The following PRPF4 variants were observed in gnomAD, a reference collection of about 807,000 sequenced individuals.
PRPF4 encodes pre-mRNA splicing tri-snRNP complex factor PRPF4.
A neutral mutation model predicts 72.2 loss-of-function variants in PRPF4; 14 were observed. The ratio of observed to expected loss-of-function variants is 0.19; its 90% CI spans 0.13 to 0.30. The LOEUF is 0.30. Among genes scored for constraint, PRPF4 ranks in the 10% least tolerant of loss-of-function variants. The pLI is 1.00. For missense variants in PRPF4, 478 were observed against 653.9 expected, an observed-to-expected ratio of 0.73 and a Z score of 2.93; for synonymous variants, 225 against 232.2, an observed-to-expected ratio of 0.97 and a Z score of 0.28.
At position 113,275,691 on chromosome 9, in the gene PRPF4, T is replaced by C; in HGVS notation, c.-53T>C. ...CCTCTGCTGGGCGCGCGGTGGACGG[T>C]CTGAAAGGGAGTGTTCGGGTTTCGC... is the stretch of plus-strand genomic sequence containing the variant. On this transcript the variant is annotated 5_prime_UTR_variant, in exon 1 of 14. Coordinates refer to ENST00000374198, the MANE Select transcript of PRPF4 (RefSeq NM_001244926.2). The C allele has an allele frequency of 2.5e-6, 4 of 1,594,236 alleles. No individual in the cohort carries two copies. The highest frequency in any genetic ancestry group is 3.4e-4 in the Middle Eastern group (2 of 5,954).
chr9:113,291,444 A>G, intron 13 of PRPF4, 23 bp from the exon 14 acceptor site: 1 of 1,586,872 alleles, frequency 6.3e-7, no homozygotes, highest in Non-Finnish European at 8.6e-7. Flanking sequence ...TCCTCAAGCA[A>G]TTCCCCTTCT....
rs930352506 is a variant in PRPF4 at position 113,283,973 on chromosome 9, C to T, written c.655-322C>T. On this transcript the variant is annotated intron_variant, in intron 6 of 13. Coordinates refer to ENST00000374198, the MANE Select transcript of PRPF4 (RefSeq NM_001244926.2). ...ATCCCAGGTACTTGGGAGGCTGAGA[C>T]GGGAGGATTGCTTGAACCCGGGAGG... Among the ~76,000 whole-genome samples, 8 of 149,456 alleles carry T rather than the reference C, an allele frequency of 5.4e-5. No homozygotes were observed. The East Asian group carries it at 1.6e-3, about 30-fold the overall frequency.
Position 113,286,277 on chromosome 9 carries a change from T to C in PRPF4, c.795T>C (p.Leu265=), listed in dbSNP as rs964021460. ...KLWSVPDCNL[L]HTLRGHNTNV... is the part of the protein sequence containing the mutation. ...GGTCTGTTCCTGATTGCAACCTCCT[T>C]CACACTCTTCGAGGTAAGTTAGAGT... Residue 265 remains leucine, a synonymous_variant, in exon 8 of 14, where the codon CTT becomes CTC. Coordinates refer to ENST00000374198, the MANE Select transcript of PRPF4 (RefSeq NM_001244926.2). The C allele has an allele frequency of 2.5e-6, 4 of 1,612,214 alleles. No homozygotes were observed. In the African/African-American group the frequency reaches 5.3e-5, roughly 22 times the overall value.
At chr9:113,289,210 G>T (rs1286072223) in intron 10 of PRPF4, among the ~76,000 whole-genome samples, 2 of 152,142 alleles carry the variant, frequency 1.3e-5, no homozygotes, top group East Asian at 3.9e-4. Flanking sequence ...ATTGCTGGGG[G>T]TTATTCATTT....
At chr9:113,289,084 A>G (rs1028753801) in intron 10 of PRPF4, among the ~76,000 whole-genome samples, 2 of 152,234 alleles carry the variant, frequency 1.3e-5, no homozygotes, top group Admixed American at 6.5e-5. Flanking sequence ...TCTGACTTCT[A>G]TCACCACAAA....
intron 7 of PRPF4, 146 bp from the exon 8 acceptor site, chr9:113,286,086 C>T: frequency 3.3e-6 from 3 of 904,466 alleles, no homozygotes; most frequent in Non-Finnish European, 1.7e-6. Flanking sequence ...TTCTATAACC[C>T]TTCTAACTAT....
intron 7 of PRPF4, among the ~76,000 whole-genome samples, chr9:113,285,945 T>C (rs895522935): frequency 1.3e-5 from 2 of 152,140 alleles, no homozygotes; most frequent in African/African-American, 4.8e-5. Context: ...ATTCGTATTA[T>C]TGGATAGTTT....
At chr9:113,276,833 TTA>T in intron 2 of PRPF4, 108 bp downstream of exon 2, 1 of 1,308,618 alleles carries the variant, frequency 7.6e-7, no homozygotes, top group Non-Finnish European at 1.0e-6. Context: ...TTTTTTTTTT[TTA>T]AACAGAGTCT....
chr9:113,284,482 C>T (rs1832377229), intron 7 of PRPF4, 93 bp downstream of exon 7: 9 of 1,035,868 alleles, frequency 8.7e-6, no homozygotes, highest in Admixed American at 5.5e-5. Flanking sequence ...TTTCTACGTC[C>T]TCTTTCTCTG....
chr9:113,292,705 G>T lies in PRPF4; in HGVS notation c.*1045G>T, dbSNP rs1832644691. 1 of 152,146 alleles carries T rather than the reference G, an allele frequency of 6.6e-6. No individual in the cohort carries two copies. Among genetic ancestry groups the T allele is most frequent in the Admixed American group, 6.5e-5 (1 of 15,276 alleles). The allele number at this position is 152,146 out of a possible 1,614,324, so 9.4% of individuals were successfully genotyped here. A position where few individuals can be genotyped will look rare whatever the true frequency, so the allele number is the denominator to read the frequency against. ...AGAAAGCAAACATGACGTCTCTATT[G>T]TACAACCTCCTTTCTCTTGGCTGTT... On this transcript the variant is annotated 3_prime_UTR_variant, in exon 14 of 14. Transcript: ENST00000374198.
At chr9:113,285,634 TC>T (rs1832425260) in intron 7 of PRPF4, among the ~76,000 whole-genome samples, 1 of 151,668 alleles carries the variant, frequency 6.6e-6, no homozygotes. Context: ...CGCCTTGGCC[TC>T]CCAAAGTGCT....
At chr9:113,290,297 T>G (rs1832571423) in intron 10 of PRPF4, among the ~76,000 whole-genome samples, 169 bp from the exon 11 acceptor site, 1 of 151,968 alleles carries the variant, frequency 6.6e-6, no homozygotes, top group African/African-American at 2.4e-5. Context: ...GCAGATAAGC[T>G]TAGTTGTTGA....
chr9:113,282,990 C>G, intron 4 of PRPF4, 142 bp from the exon 5 acceptor site: 2 of 1,464,308 alleles, frequency 1.4e-6, no homozygotes, highest in Non-Finnish European at 9.2e-7. Flanking sequence ...GAAAAAAATT[C>G]AGTAGAAAGT....
chr9:113,275,661 C>A lies in PRPF4; in HGVS notation c.-83C>A. On this transcript the variant is annotated 5_prime_UTR_variant, in exon 1 of 14. Coordinates refer to ENST00000374198, the MANE Select transcript of PRPF4 (RefSeq NM_001244926.2). ...TGACGCACTTCCTGTCAGTGACGCA[C>A]TTCCCCTCTGCTGGGCGCGCGGTGG... 1 of 1,511,306 alleles carries A rather than the reference C, an allele frequency of 6.6e-7. No homozygotes were observed. The highest frequency in any genetic ancestry group is 9.0e-7 in the Non-Finnish European group (1 of 1,111,256). 93.6% of individuals were successfully genotyped at this position (1,511,306 alleles called of 1,614,324 possible).
chr9:113,289,147 A>G lies in PRPF4; in HGVS notation c.1022+883A>G, dbSNP rs79069961. Among the ~76,000 whole-genome samples, 909 of 152,330 alleles carry G rather than the reference A, an allele frequency of 6.0e-3. 70 individuals carry two copies. The East Asian group carries it at 0.16, about 27-fold the overall frequency. ...TCATTTGTGGCAGGCTTCTTTCAGC[A>G]TAACATTGTTAAGAGTCATTCATGT... is the stretch of plus-strand genomic sequence containing the variant. On this transcript the variant is annotated intron_variant, in intron 10 of 13. Transcript: ENST00000374198.
intron 8 of PRPF4, 86 bp from the exon 9 acceptor site, chr9:113,286,619 T>G: frequency 6.7e-7 from 1 of 1,490,302 alleles, no homozygotes; most frequent in Non-Finnish European, 9.3e-7. Flanking sequence ...ACTTGAATAC[T>G]CTGTATGTCC....
chr9:113,280,842 T>C (rs1832257604), intron 3 of PRPF4, among the ~76,000 whole-genome samples: 1 of 152,142 alleles, frequency 6.6e-6, no homozygotes, highest in Non-Finnish European at 1.5e-5. Context: ...GCTTTTTTTC[T>C]TCCTTTTTTT....
intron 3 of PRPF4, among the ~76,000 whole-genome samples, chr9:113,281,373 T>C (rs752191686): frequency 2.0e-5 from 3 of 152,198 alleles, no homozygotes; most frequent in Non-Finnish European, 4.4e-5. Context: ...TATTCATTAT[T>C]ATGTTCCTTA....
chr9:113,275,856 G>A (rs925154224), intron 1 of PRPF4, 86 bp downstream of exon 1: 5 of 1,558,428 alleles, frequency 3.2e-6, no homozygotes, highest in Non-Finnish European at 4.4e-6. Context: ...TTAAGGAGCG[G>A]GAGAAGGCGG....
Sources: allele counts gnomAD v4.1 joint callset (sites outside exome capture counted in the v4.1 genomes callset), GRCh38; gene constraint gnomAD v4.1.1; transcripts MANE v1.5; gene names NCBI Gene and HGNC (gene_info 2026-07-23, HGNC 2026-07-21).